The following TG variants were observed in gnomAD, a reference collection of about 807,000 sequenced individuals.
TG encodes thyroglobulin, also known as thyroid hormones.
A neutral mutation model predicts 324.7 loss-of-function variants in TG; 270 were observed. The ratio of observed to expected loss-of-function variants is 0.83; its 90% CI spans 0.75 to 0.92. The LOEUF (loss-of-function observed/expected upper bound fraction) is 0.92. Among genes scored for constraint, TG ranks in the 40% least tolerant of loss-of-function variants. The pLI, the probability that TG is intolerant of heterozygous loss-of-function variation, is 0.00. For synonymous variants in TG, 1,401 were observed against 1,327.0 expected, an observed-to-expected ratio of 1.06 and a Z score of -1.21; for missense variants, 3,591 against 3,456.4, an observed-to-expected ratio of 1.04 and a Z score of -0.98.
At chr8:133,066,930 G>A (rs1008097534) in intron 41 of TG, among the ~76,000 whole-genome samples, 6 of 152,256 alleles carry the variant, frequency 3.9e-5, no homozygotes, top group South Asian at 4.1e-4. Flanking sequence ...CTCTGTCTGG[G>A]CCAAAGAGTC....
intron 35 of TG, among the ~76,000 whole-genome samples, chr8:132,993,621 C>T (rs746402130): frequency 2.4e-4 from 36 of 152,212 alleles, no homozygotes; most frequent in Non-Finnish European, 4.9e-4. Context: ...GTGCTATGCA[C>T]AACCTGTGCA....
chr8:132,954,855 G>A (rs1436706298), intron 27 of TG, among the ~76,000 whole-genome samples: 2 of 152,076 alleles, frequency 1.3e-5, no homozygotes, highest in Non-Finnish European at 2.9e-5. Flanking sequence ...TTTATTCCAC[G>A]ATCATATGAT....
At chr8:133,114,090 C>T (rs555408357) in intron 44 of TG, among the ~76,000 whole-genome samples, 1 of 152,296 alleles carries the variant, frequency 6.6e-6, no homozygotes, top group East Asian at 1.9e-4. Context: ...TTCCAAAGCT[C>T]CCTCAGCTGA....
Position 132,929,134 on chromosome 8 carries a change from T to C in TG, c.4758T>C (p.Pro1586=). Residue 1586 remains proline (P), a synonymous_variant, in exon 23 of 48, where the codon CCT becomes CCC. Transcript: ENST00000220616. ...AGGTGATCTTCGACGCCAATGCTCCTGTGGCTGTCAGATCCAAAGTTCCTG... is the reference window on the plus strand; with the variant it reads ...AGGTGATCTTCGACGCCAATGCTCCCGTGGCTGTCAGATCCAAAGTTCCTG... ...ESKVIFDANA[P]VAVRSKVPDS... The C allele has an allele frequency of 6.2e-7, 1 of 1,614,182 alleles. No individual in the cohort carries two copies. Among genetic ancestry groups the C allele is most frequent in the Non-Finnish European group, 8.5e-7 (1 of 1,180,028 alleles).
intron 16 of TG, among the ~76,000 whole-genome samples, chr8:132,905,825 A>G (rs545005758): frequency 3.3e-5 from 5 of 152,312 alleles, no homozygotes; most frequent in African/African-American, 9.6e-5. Flanking sequence ...TGGGAGAACC[A>G]TGACAGTGGT....
chr8:133,001,364 G>A (rs1407560566), intron 35 of TG, among the ~76,000 whole-genome samples: 1 of 152,134 alleles, frequency 6.6e-6, no homozygotes, highest in Non-Finnish European at 1.5e-5. Flanking sequence ...CAGGATGTCT[G>A]GGTATTTTTC....
At chr8:133,024,713 A>G (rs561287488) in intron 40 of TG, among the ~76,000 whole-genome samples, 2 of 151,786 alleles carry the variant, frequency 1.3e-5, no homozygotes, top group African/African-American at 2.4e-5. Context: ...TTCCTGCTTC[A>G]TCTATGTCCC....
chr8:133,029,314 A>C (rs1330350285), intron 40 of TG, among the ~76,000 whole-genome samples: 2 of 152,158 alleles, frequency 1.3e-5, no homozygotes, highest in South Asian at 4.1e-4. Flanking sequence ...GTTGCATGCT[A>C]ATAAAGGCTT....
intron 39 of TG, among the ~76,000 whole-genome samples, chr8:133,021,129 A>G (rs948632864): frequency 1.3e-5 from 2 of 152,202 alleles, no homozygotes; most frequent in Admixed American, 1.3e-4. Context: ...CAAGCCATTC[A>G]ACATGTCTAA....
At chr8:133,033,772 GA>G (rs1298647752) in intron 41 of TG, among the ~76,000 whole-genome samples, 4 of 152,172 alleles carry the variant, frequency 2.6e-5, no homozygotes, top group Non-Finnish European at 4.4e-5. Context: ...CTCATCTCTT[GA>G]AACAGAAGGA....
intron 27 of TG, among the ~76,000 whole-genome samples, chr8:132,960,253 T>A (rs187159902): frequency 1.6e-3 from 244 of 152,258 alleles, no homozygotes; most frequent in Admixed American, 4.4e-3. Context: ...CTAATAATAA[T>A]TAAAAACAAA....
At chr8:133,053,128 C>T (rs914251757) in intron 41 of TG, among the ~76,000 whole-genome samples, 5 of 152,264 alleles carry the variant, frequency 3.3e-5, no homozygotes, top group South Asian at 4.2e-4. Context: ...CCTCCTTCAC[C>T]GTTCCCACCT....
chr8:132,945,794 C>T lies in TG; in HGVS notation c.5234-2982C>T, dbSNP rs1408914482. On this transcript the variant is annotated intron_variant, in intron 26 of 47. Coordinates refer to ENST00000220616, the MANE Select transcript of TG (RefSeq NM_003235.5). ...CCTCGCGAAAGCTAGGGTGGGAGAGCGTTGCATGGTGAGGAAGTTGTCAAC... is the reference window on the plus strand; with the variant it reads ...CCTCGCGAAAGCTAGGGTGGGAGAGTGTTGCATGGTGAGGAAGTTGTCAAC... Among the ~76,000 whole-genome samples the T allele has an allele frequency of 2.0e-5, 3 of 152,068 alleles. No individual in the cohort carries two copies. In the South Asian group the frequency reaches 6.2e-4, roughly 32 times the overall value.
intron 45 of TG, 45 bp from the exon 46 acceptor site, chr8:133,131,767 A>G (rs767296135): frequency 6.2e-7 from 1 of 1,611,344 alleles, no homozygotes; most frequent in East Asian, 2.2e-5. Context: ...TGAGTAGTTT[A>G]CTTTCTCTTG....
At chr8:133,122,734 G>A (rs1054529244) in intron 45 of TG, among the ~76,000 whole-genome samples, 2 of 152,204 alleles carry the variant, frequency 1.3e-5, no homozygotes, top group Non-Finnish European at 2.9e-5. Context: ...GAATGTCTCT[G>A]CGTGTGAGTG....
chr8:133,050,960 T>C, intron 41 of TG: 1 of 1,131,452 alleles, frequency 8.8e-7, no homozygotes, highest in Non-Finnish European at 1.3e-6. Flanking sequence ...GTGCTTTTTA[T>C]TCACAAGGAG....
chr8:132,941,630 TG>T, intron 26 of TG, 88 bp downstream of exon 26: 1 of 1,508,308 alleles, frequency 6.6e-7, no homozygotes, highest in Non-Finnish European at 9.2e-7. Flanking sequence ...TGGAGCTGCA[TG>T]GGGAGTACAG....
intron 32 of TG, 136 bp downstream of exon 32, chr8:132,969,705 G>C: frequency 2.9e-6 from 2 of 701,060 alleles, no homozygotes; most frequent in Non-Finnish European, 5.1e-6. Context: ...GAGGTCAAGA[G>C]ATCAAGACTA....
rs1563972212 is a variant in TG, at chr8:132,933,566, A to C, written c.4822A>C (p.Thr1608Pro). Residue 1608 changes from threonine to proline, a missense_variant, in exon 24 of 48, where the codon ACA becomes CCA. Thr to Pro is a conservative substitution (Grantham distance 38). Coordinates refer to ENST00000220616, the MANE Select transcript of TG (RefSeq NM_003235.5). ...FPVMQCLTDC[T>P]EDEACSFFTV... ...CCGTCCCATGGTGCTTGCAGATTGC[A>C]CAGAGGACGAGGCCTGCAGCTTCTT... 1.2e-6 allele frequency: 2 copies of C among 1,614,006 alleles called. No individual in the cohort carries two copies. Among genetic ancestry groups the C allele is most frequent in the East Asian group, 4.5e-5 (2 of 44,868 alleles).
Sources: gnomAD v4.1 joint callset for allele counts (sites outside exome capture counted in the v4.1 genomes callset) on GRCh38, gnomAD v4.1.1 for gene constraint, MANE v1.5 for transcripts, NCBI Gene and HGNC (gene_info 2026-07-23, HGNC 2026-07-21) for gene names.